The following HEMK2 variants were observed in gnomAD, a reference collection of about 807,000 sequenced individuals.
HEMK2 encodes methyltransferase HEMK2.
the HEMK2 span, among the ~76,000 whole-genome samples, chr21:28,867,467 C>T: frequency 6.6e-6 from 1 of 152,126 alleles, no homozygotes; most frequent in Non-Finnish European, 1.5e-5. Flanking sequence ...GAAGTTCTAA[C>T]AAGGGAAAAT....
the HEMK2 span, among the ~76,000 whole-genome samples, chr21:28,786,097 G>C: frequency 6.6e-6 from 1 of 152,178 alleles, no homozygotes; most frequent in Non-Finnish European, 1.5e-5. Context: ...CCAGTGACTA[G>C]ATGCTTGTTA....
the HEMK2 span, among the ~76,000 whole-genome samples, chr21:28,736,459 T>A: frequency 6.6e-6 from 1 of 152,198 alleles, no homozygotes; most frequent in Non-Finnish European, 1.5e-5. Flanking sequence ...CTGAATATGT[T>A]AATATTCTTT....
the HEMK2 span, among the ~76,000 whole-genome samples, chr21:28,629,114 A>G: frequency 1.3e-4 from 20 of 152,214 alleles, no homozygotes; most frequent in Admixed American, 7.2e-4. Context: ...TTTTAAGATC[A>G]CGCAAGTCTG....
chr21:28,831,663 G>GA, the HEMK2 span, among the ~76,000 whole-genome samples: 1 of 50,910 alleles, frequency 2.0e-5, no homozygotes, highest in African/African-American at 1.0e-4. Flanking sequence ...AAGAAAGAAA[G>GA]AAAGAAAGAA....
the HEMK2 span, among the ~76,000 whole-genome samples, chr21:28,827,313 CAACT>C: frequency 6.6e-6 from 1 of 152,188 alleles, no homozygotes; most frequent in Non-Finnish European, 1.5e-5. Flanking sequence ...ATTCTCAGTG[CAACT>C]AACTGTCTTT....
At chr21:28,586,399 C>T in the HEMK2 span, among the ~76,000 whole-genome samples, 25 of 152,172 alleles carry the variant, frequency 1.6e-4, no homozygotes, top group African/African-American at 6.0e-4. Context: ...TAGGTTATTT[C>T]TTGCAAATAC....
the HEMK2 span, among the ~76,000 whole-genome samples, chr21:28,593,823 G>A: frequency 1.3e-5 from 2 of 152,156 alleles, no homozygotes; most frequent in Non-Finnish European, 2.9e-5. Context: ...GAAGAGAATA[G>A]ACAAATCTCT....
the HEMK2 span, among the ~76,000 whole-genome samples, chr21:28,778,426 A>G: frequency 0.047 from 7,233 of 152,302 alleles, 216 homozygotes; most frequent in Middle Eastern, 0.099. Context: ...ATGTTTCAAT[A>G]TATCTGCAAC....
the HEMK2 span, among the ~76,000 whole-genome samples, chr21:28,579,088 G>A: frequency 1.3e-5 from 2 of 152,168 alleles, no homozygotes; most frequent in Non-Finnish European, 2.9e-5. Context: ...GGCTATTTGT[G>A]AACTCGGTAG....
chr21:28,808,237 A>T, the HEMK2 span, among the ~76,000 whole-genome samples: 1 of 152,190 alleles, frequency 6.6e-6, no homozygotes, highest in African/African-American at 2.4e-5. Context: ...TTGATTTTCA[A>T]ACTCATTTCA....
At chr21:28,607,629 A>T in the HEMK2 span, among the ~76,000 whole-genome samples, 4 of 151,928 alleles carry the variant, frequency 2.6e-5, no homozygotes, top group East Asian at 1.9e-4. Context: ...TCTGCCTTTG[A>T]GATTAAACTG....
chr21:28,878,261 GAAA>G, the HEMK2 span: 2 of 1,608,902 alleles, frequency 1.2e-6, no homozygotes, highest in Non-Finnish European at 8.5e-7. Context: ...GGAACCAGGG[GAAA>G]AAACCTGTCC....
chr21:28,721,252 AC>A, the HEMK2 span, among the ~76,000 whole-genome samples: 1 of 152,022 alleles, frequency 6.6e-6, no homozygotes, highest in African/African-American at 2.4e-5. Context: ...GGTAGCTGGG[AC>A]TACAGGCATG....
the HEMK2 span, among the ~76,000 whole-genome samples, chr21:28,612,810 A>G: frequency 6.6e-6 from 1 of 152,218 alleles, no homozygotes; most frequent in Admixed American, 6.5e-5. Flanking sequence ...AATCAAATTA[A>G]GAACTCAACC....
the HEMK2 span, among the ~76,000 whole-genome samples, chr21:28,587,013 G>A: frequency 1.3e-3 from 195 of 152,174 alleles, 1 homozygote; most frequent in African/African-American, 4.1e-3. Flanking sequence ...TATATTTTGT[G>A]TAAAAATAAA....
the HEMK2 span, among the ~76,000 whole-genome samples, chr21:28,831,518 AGAAAGAAGGAAAGAAG>A: frequency 5.2e-5 from 4 of 76,722 alleles, no homozygotes; most frequent in African/African-American, 1.6e-4. Context: ...AAAGAAAGAA[AGAAAGAAGGAAAGAAG>A]GAAAGAAGGA....
the HEMK2 span, among the ~76,000 whole-genome samples, chr21:28,757,787 A>G: frequency 6.6e-6 from 1 of 152,188 alleles, no homozygotes; most frequent in African/African-American, 2.4e-5. Flanking sequence ...GGGGGTTTCC[A>G]TGAAGGAGTG....
At chr21:28,847,641 A>AT in the HEMK2 span, among the ~76,000 whole-genome samples, 2 of 152,170 alleles carry the variant, frequency 1.3e-5, no homozygotes, top group East Asian at 3.9e-4. Flanking sequence ...CCATTTATCA[A>AT]TTTTTGTTTT....
At chr21:28,697,727 A>G in the HEMK2 span, among the ~76,000 whole-genome samples, 147,567 of 147,570 alleles carry the variant, frequency 1, 73,782 homozygotes, top group Middle Eastern at 1. Context: ...GCCCTCATCA[A>G]AAACAGATGC....
Sources: gnomAD v4.1 joint callset for allele counts (sites outside exome capture counted in the v4.1 genomes callset) on GRCh38, gnomAD v4.1.1 for gene constraint, MANE v1.5 for transcripts, NCBI Gene and HGNC (gene_info 2026-07-23, HGNC 2026-07-21) for gene names.